The following TXNDC11 variants were observed in gnomAD, a reference collection of about 807,000 sequenced individuals.
TXNDC11 encodes thioredoxin domain containing 11, also known as thioredoxin domain-containing protein 11.
In TXNDC11, 68 loss-of-function variants were observed where a neutral mutation model predicts 78.0. The observed-to-expected ratio is 0.87, with a 90% CI of 0.72 to 1.07. TXNDC11 has a LOEUF of 1.07. Ranked by LOEUF, TXNDC11 falls within the 50% of genes least tolerant of loss-of-function variation. The pLI, the probability that TXNDC11 is intolerant of heterozygous loss-of-function variation, is 0.00. For synonymous variants in TXNDC11, 571 were observed against 495.2 expected (o/e 1.15, Z -2.03); for missense variants, 1,389 against 1,221.8 (o/e 1.14, Z -2.04).
intron 5 of TXNDC11, among the ~76,000 whole-genome samples, chr16:11,707,976 T>C (rs2051233237): frequency 6.6e-6 from 1 of 152,002 alleles, no homozygotes; most frequent in Admixed American, 6.6e-5. Context: ...CCTAGCTACT[T>C]GGGAGGCTGA....
chr16:11,712,334 T>A (rs925458324), intron 5 of TXNDC11, among the ~76,000 whole-genome samples: 1 of 152,108 alleles, frequency 6.6e-6, no homozygotes, highest in Admixed American at 6.5e-5. Context: ...CCACTCTGCA[T>A]GCGGTTTCTT....
At chr16:11,717,592 C>T (rs933178581) in intron 5 of TXNDC11, among the ~76,000 whole-genome samples, 4 of 151,974 alleles carry the variant, frequency 2.6e-5, no homozygotes, top group South Asian at 4.2e-4. Context: ...GAGGCCGAAG[C>T]GGGCGGATCA....
rs752918209 is a variant in TXNDC11 at position 11,698,203 on chromosome 16, G to A, written c.1029C>T (p.Asn343=). The A allele has an allele frequency of 1.7e-5, 28 of 1,614,210 alleles. No individual in the cohort carries two copies. In the South Asian group the frequency reaches 2.0e-4, roughly 11 times the overall value. The stretch of plus-strand genomic sequence containing the variant: ...ACAGCGCTGGTCCTTTCTTCAGCTC[G>A]TTATTCAGCAGGAGACTCTTGCCTC... ...PHGGKSLLLN[N]ELKKGPALFL... is the part of the protein sequence containing the mutation. The change falls in exon 7 of 12, where the codon AAC becomes AAT. Residue 343 remains asparagine, a synonymous_variant. Transcript: ENST00000283033.
intron 8 of TXNDC11, 179 bp from the exon 9 acceptor site, chr16:11,688,624 TA>T: frequency 1.9e-6 from 1 of 538,326 alleles, no homozygotes; most frequent in South Asian, 2.8e-5. Flanking sequence ...TTAGCTCTGG[TA>T]GTATTAACTC....
At chr16:11,697,497 G>GC (rs1467009562) in intron 7 of TXNDC11, among the ~76,000 whole-genome samples, 2 of 152,116 alleles carry the variant, frequency 1.3e-5, no homozygotes, top group African/African-American at 2.4e-5. Context: ...GTCTCTGAGC[G>GC]CCTCCAAATG....
In TXNDC11 at chr16:11,737,394, G is replaced by A. The variant is rs535854833; in HGVS notation, c.255-1161C>T. ...CGGGAGGCGGAGGTTGCAGTGAGCC[G>A]AGATTGCACCATTGCACTCCAGCCT... On this transcript the variant is annotated intron_variant, in intron 1 of 11. Transcript: ENST00000283033. Among the ~76,000 whole-genome samples, 28 of 150,832 alleles carry A rather than the reference G, an allele frequency of 1.9e-4. No individual in the cohort carries two copies. The South Asian group carries it at 1.9e-3, about 10-fold the overall frequency.
chr16:11,736,385 G>A, intron 1 of TXNDC11, 152 bp from the exon 2 acceptor site: 1 of 629,790 alleles, frequency 1.6e-6, no homozygotes, highest in African/African-American at 1.8e-5. Flanking sequence ...ACATCTGGCT[G>A]AGCAAATGCA....
chr16:11,733,940 A>C (rs1231947775), intron 3 of TXNDC11, 42 bp downstream of exon 3: 1 of 1,431,822 alleles, frequency 7.0e-7, no homozygotes. Context: ...ATAAACTGGC[A>C]AACTAAACTG....
intron 7 of TXNDC11, among the ~76,000 whole-genome samples, chr16:11,693,374 C>T (rs1336056712): frequency 1.3e-5 from 2 of 152,158 alleles, no homozygotes; most frequent in African/African-American, 4.8e-5. Flanking sequence ...GGCATTTACT[C>T]TCTAAAACAG....
chr16:11,707,122 T>G (rs2051204018), intron 5 of TXNDC11, among the ~76,000 whole-genome samples: 1 of 152,146 alleles, frequency 6.6e-6, no homozygotes, highest in Admixed American at 6.5e-5. Flanking sequence ...AATTTAATTT[T>G]AAATATTAAA....
rs573430955 is a variant in TXNDC11, at chr16:11,692,296, C to T, written c.1108-214G>A. The T allele has an allele frequency of 2.2e-4, 106 of 486,386 alleles. 1 individual carries two copies. In the South Asian group the frequency reaches 3.3e-3, roughly 15 times the overall value. 30.1% of individuals were successfully genotyped at this position (486,386 alleles called of 1,614,324 possible). On this transcript the variant is annotated intron_variant, in intron 7 of 11. Transcript: ENST00000283033. Reference sequence around the variant, plus strand: ...GAAATTTTTGCCATTACAAAAACTGCGAGCCATCCCTTTGTCCAGCGTGTC... The same window carrying T: ...GAAATTTTTGCCATTACAAAAACTGTGAGCCATCCCTTTGTCCAGCGTGTC...
Position 11,742,607 on chromosome 16 carries a change from C to T in TXNDC11, c.124G>A (p.Ala42Thr). 3 of 1,460,504 alleles carry T rather than the reference C, an allele frequency of 2.1e-6. No individual in the cohort carries two copies. Among genetic ancestry groups the T allele is most frequent in the Non-Finnish European group, 2.7e-6 (3 of 1,112,520 alleles). 90.5% of individuals were successfully genotyped at this position (1,460,504 alleles called of 1,614,324 possible). A position where few individuals can be genotyped will look rare whatever the true frequency, so the allele number is the denominator to read the frequency against. The change falls in exon 1 of 12, where the codon GCG becomes ACG. Residue 42 changes from alanine to threonine, a missense_variant. By Grantham distance (58) the Ala-to-Thr change is moderately conservative (BLOSUM62 0). Transcript: ENST00000283033. ...CGACGGAGCCGGCCCGCCGAGGACG[C>T]TGTGGCCAGGGTCGGGCTCGAGCTG... The part of the protein sequence containing the change: ...CLSSSPTLAT[A>T]SSAGRLRRGL...
chr16:11,696,814 G>A (rs1324684688), intron 7 of TXNDC11, among the ~76,000 whole-genome samples: 1 of 152,110 alleles, frequency 6.6e-6, no homozygotes, highest in Non-Finnish European at 1.5e-5. Flanking sequence ...CCCACCAGGT[G>A]CCTAAATCCA....
intron 5 of TXNDC11, among the ~76,000 whole-genome samples, chr16:11,710,776 C>T (rs1250729590): frequency 6.6e-6 from 1 of 152,192 alleles, no homozygotes; most frequent in Non-Finnish European, 1.5e-5. Flanking sequence ...GACTGTGCCA[C>T]TGCACTCTAG....
intron 2 of TXNDC11, among the ~76,000 whole-genome samples, chr16:11,735,374 C>T (rs971147508): frequency 2.6e-5 from 4 of 152,196 alleles, no homozygotes; most frequent in African/African-American, 9.7e-5. Context: ...TTCTTCCCCC[C>T]TCACCTCTAT....
chr16:11,728,651 T>C (rs1433928314), intron 4 of TXNDC11, among the ~76,000 whole-genome samples: 1 of 152,158 alleles, frequency 6.6e-6, no homozygotes, highest in African/African-American at 2.4e-5. Context: ...GATAGTCTTT[T>C]AAAGTACTGC....
chr16:11,704,048 T>C (rs923097909), intron 5 of TXNDC11, among the ~76,000 whole-genome samples: 2 of 152,126 alleles, frequency 1.3e-5, no homozygotes, highest in Admixed American at 6.5e-5. Context: ...GCCGAGATTT[T>C]GCCATTGCAC....
rs556479088 is a variant in TXNDC11, at chr16:11,705,507, AAAGC to A, written c.794-4947_794-4944del. Among the ~76,000 whole-genome samples the A allele has an allele frequency of 7.4e-4, 112 of 152,288 alleles. 3 individuals carry two copies. The South Asian group carries it at 0.023, about 31-fold the overall frequency. Reference sequence around the variant, plus strand: ...AGTCACAGTTAAAAGAAGAGAAGGAAAAGCAGCCAGTAAGGAAATTCATTTGATA... The same window carrying A: ...AGTCACAGTTAAAAGAAGAGAAGGAAAGCCAGTAAGGAAATTCATTTGATA... On this transcript the variant is annotated intron_variant, in intron 5 of 11. Transcript: ENST00000283033.
At position 11,687,859 on chromosome 16, in the gene TXNDC11, T is replaced by C. The variant is rs1268005990; in HGVS notation, c.2151A>G (p.Ala717=). Residue 717 remains alanine, a splice_region_variant and synonymous_variant, in exon 10 of 12, where the codon GCA becomes GCG. Transcript: ENST00000283033. The part of the protein sequence containing the change: ...RNLPMDTFTV[A]RIDVSQNDLP... ...CGCTGCAGAAGAGGCCTGCTTACCT[T>C]GCCACAGTGAATGTGTCCATGGGCA... is the stretch of plus-strand genomic sequence containing the variant. 6.2e-7 allele frequency: 1 copy of C among 1,610,132 alleles called. No homozygotes were observed.
Sources: gnomAD v4.1 joint callset for allele counts (sites outside exome capture counted in the v4.1 genomes callset) on GRCh38, gnomAD v4.1.1 for gene constraint, MANE v1.5 for transcripts, NCBI Gene and HGNC (gene_info 2026-07-23, HGNC 2026-07-21) for gene names.